The following CAMK1D variants were observed in gnomAD, a reference collection of about 807,000 sequenced individuals.
CAMK1D encodes calcium/calmodulin dependent protein kinase ID.
Under a neutral mutation model 47.7 loss-of-function variants are expected in CAMK1D, and 9 were observed. The observed-to-expected ratio is 0.19, with a 90% confidence interval of 0.11 to 0.33. The LOEUF (loss-of-function observed/expected upper bound fraction) is 0.33, where lower values mean the gene tolerates loss of function less well. CAMK1D is among the 10% of genes least tolerant of loss of function. CAMK1D has a pLI of 1.00. For synonymous variants in CAMK1D, 184 were observed against 184.9 expected, an observed-to-expected ratio of 0.99 and a Z score of 0.04; for missense variants, 291 against 488.7, an observed-to-expected ratio of 0.60 and a Z score of 3.81.
chr10:12,706,902 T>C (rs527659236), intron 3 of CAMK1D, among the ~76,000 whole-genome samples: 1 of 147,882 alleles, frequency 6.8e-6, no homozygotes, highest in Admixed American at 6.6e-5. Flanking sequence ...GAAACAGATA[T>C]ATCAGCATGA....
At chr10:12,546,013 G>C (rs1055207002) in intron 1 of CAMK1D, among the ~76,000 whole-genome samples, 1 of 152,180 alleles carries the variant, frequency 6.6e-6, no homozygotes, top group South Asian at 2.1e-4. Flanking sequence ...AGTGGCTGTA[G>C]TGACAGATGA....
intron 1 of CAMK1D, among the ~76,000 whole-genome samples, chr10:12,509,299 A>G (rs1450233823): frequency 6.6e-6 from 1 of 152,164 alleles, no homozygotes; most frequent in African/African-American, 2.4e-5. Context: ...TTGAAAAGCC[A>G]CTAGAGACCA....
At chr10:12,536,937 C>T (rs1236367627) in intron 1 of CAMK1D, among the ~76,000 whole-genome samples, 1 of 152,176 alleles carries the variant, frequency 6.6e-6, no homozygotes, top group Non-Finnish European at 1.5e-5. Context: ...GGGATATTTA[C>T]ATCCCTCTAG....
chr10:12,363,673 T>G (rs1327471678), intron 1 of CAMK1D, among the ~76,000 whole-genome samples: 3 of 151,056 alleles, frequency 2.0e-5, no homozygotes, highest in African/African-American at 7.3e-5. Context: ...AGGTTTTTTT[T>G]TTTTTTTTTT....
intron 2 of CAMK1D, among the ~76,000 whole-genome samples, chr10:12,593,555 A>G (rs905689170): frequency 2.6e-5 from 4 of 152,144 alleles, no homozygotes; most frequent in African/African-American, 9.7e-5. Flanking sequence ...GTGCCATTGC[A>G]CTCCAGCCTG....
At chr10:12,660,733 G>A (rs1243066774) in intron 2 of CAMK1D, among the ~76,000 whole-genome samples, 2 of 152,142 alleles carry the variant, frequency 1.3e-5, no homozygotes, top group African/African-American at 4.8e-5. Flanking sequence ...CTTACTTTGG[G>A]CCTGGTAAAT....
intron 2 of CAMK1D, among the ~76,000 whole-genome samples, chr10:12,654,555 TAGA>T (rs145919746): frequency 0.011 from 1,718 of 152,338 alleles, 30 homozygotes; most frequent in African/African-American, 0.039. Flanking sequence ...TAAGAAATAG[TAGA>T]AGAAGTATTA....
At chr10:12,544,877 GA>G (rs1353362663) in intron 1 of CAMK1D, among the ~76,000 whole-genome samples, 2 of 152,092 alleles carry the variant, frequency 1.3e-5, no homozygotes, top group East Asian at 3.9e-4. Context: ...GTGTTGAGTG[GA>G]TGGTACTAGT....
intron 3 of CAMK1D, among the ~76,000 whole-genome samples, chr10:12,693,123 G>C (rs1003321418): frequency 6.6e-6 from 1 of 152,066 alleles, no homozygotes; most frequent in Non-Finnish European, 1.5e-5. Context: ...CAGCACTTTG[G>C]GAGGCCAAGG....
At chr10:12,582,145 G>A (rs186043673) in intron 2 of CAMK1D, among the ~76,000 whole-genome samples, 2 of 152,244 alleles carry the variant, frequency 1.3e-5, no homozygotes, top group East Asian at 3.9e-4. Flanking sequence ...TGAATAGGCT[G>A]TCATTTCCCC....
chr10:12,737,649 G>A (rs1372151708), intron 3 of CAMK1D, among the ~76,000 whole-genome samples: 2 of 152,040 alleles, frequency 1.3e-5, no homozygotes, highest in Non-Finnish European at 2.9e-5. Context: ...TAACACTTCT[G>A]TTCTTGGCAT....
At chr10:12,722,106 G>A (rs1834404074) in intron 3 of CAMK1D, among the ~76,000 whole-genome samples, 2 of 152,030 alleles carry the variant, frequency 1.3e-5, no homozygotes, top group African/African-American at 4.8e-5. Context: ...TGGGTGTTAG[G>A]ATTTCAGTAT....
rs146542672 is a variant in CAMK1D at position 12,479,485 on chromosome 10, G to A, written c.93-73740G>A. 8.5e-3 allele frequency among the ~76,000 whole-genome samples: 1,290 copies of A among 152,258 alleles called. 60 individuals are homozygous for A. The highest frequency in any genetic ancestry group is 0.076 in the Admixed American group (1,165 of 15,290). ...TGCTGGGATTATAGGCGCCAGCACC[G>A]AGCCCGGCCGAGAAGCTGCATTTCT... On this transcript the variant is annotated intron_variant, in intron 1 of 10. Coordinates refer to ENST00000619168, the MANE Select transcript of CAMK1D (RefSeq NM_153498.4).
At chr10:12,363,453 C>T (rs1237406776) in intron 1 of CAMK1D, among the ~76,000 whole-genome samples, 1 of 152,008 alleles carries the variant, frequency 6.6e-6, no homozygotes, top group Non-Finnish European at 1.5e-5. Context: ...TGGGGTTTCA[C>T]CACGTTGGCC....
At chr10:12,534,224 A>G (rs1177850640) in intron 1 of CAMK1D, among the ~76,000 whole-genome samples, 1 of 152,096 alleles carries the variant, frequency 6.6e-6, no homozygotes, top group African/African-American at 2.4e-5. Context: ...CAATCAATGT[A>G]TCAATCATGG....
chr10:12,751,073 T>TAAGATAAGACAAGACAAGACAAGAC (rs1564535366), intron 3 of CAMK1D, among the ~76,000 whole-genome samples: 2 of 38,222 alleles, frequency 5.2e-5, no homozygotes, highest in East Asian at 1.6e-3. Flanking sequence ...TAAGATAAGA[T>TAAGATAAGACAAGACAAGACAAGAC]AAGATAAGAT....
intron 3 of CAMK1D, among the ~76,000 whole-genome samples, chr10:12,720,041 G>A (rs915897068): frequency 1.3e-5 from 2 of 152,226 alleles, no homozygotes; most frequent in African/African-American, 2.4e-5. Context: ...TCTAGAACAA[G>A]CTCCCATGTG....
At chr10:12,797,393 T>A (rs979747033) in intron 6 of CAMK1D, among the ~76,000 whole-genome samples, 67 of 149,368 alleles carry the variant, frequency 4.5e-4, no homozygotes, top group Admixed American at 8.0e-4. Flanking sequence ...ACAACAAACT[T>A]TTTTTTTTTA....
intron 1 of CAMK1D, among the ~76,000 whole-genome samples, chr10:12,364,282 C>G (rs1837770512): frequency 6.8e-6 from 1 of 146,746 alleles, no homozygotes; most frequent in Non-Finnish European, 1.5e-5. Flanking sequence ...CCCTCTGTTG[C>G]CCAGGCTGGA....
Sources: gnomAD v4.1 joint callset for allele counts (sites outside exome capture counted in the v4.1 genomes callset) on GRCh38, gnomAD v4.1.1 for gene constraint, MANE v1.5 for transcripts, NCBI Gene and HGNC (gene_info 2026-07-23, HGNC 2026-07-21) for gene names.